CAP2: variants seen among roughly 807,000 people sequenced by gnomAD.
CAP2 encodes adenylyl cyclase-associated protein 2.
Under a neutral mutation model 57.7 loss-of-function variants are expected in CAP2, and 24 were observed. The observed-to-expected ratio is 0.42, with a 90% CI of 0.30 to 0.58. CAP2 has a LOEUF of 0.58. Ranked by LOEUF, CAP2 falls within the 20% of genes least tolerant of loss-of-function variation. The pLI is 0.22. For synonymous variants in CAP2, 194 were observed against 207.2 expected (o/e 0.94, Z 0.55); for missense variants, 501 against 590.3 (o/e 0.85, Z 1.57).
chr6:17,514,981 C>T (rs1019713378), intron 7 of CAP2, among the ~76,000 whole-genome samples: 5 of 151,506 alleles, frequency 3.3e-5, no homozygotes, highest in African/African-American at 9.7e-5. Flanking sequence ...GTGGATCACC[C>T]GCGGTCAGGA....
intron 3 of CAP2, among the ~76,000 whole-genome samples, chr6:17,441,904 G>A (rs1311653332): frequency 3.3e-5 from 5 of 151,754 alleles, no homozygotes; most frequent in African/African-American, 4.8e-5. Context: ...TTTCTGTTAT[G>A]TACGTAACCT....
intron 8 of CAP2, 94 bp downstream of exon 8, chr6:17,539,552 C>A: frequency 1.1e-6 from 1 of 900,776 alleles, no homozygotes; most frequent in Non-Finnish European, 1.7e-6. Context: ...GGATACATCA[C>A]TCCATCCCTG....
intron 4 of CAP2, among the ~76,000 whole-genome samples, chr6:17,485,303 A>G (rs1761394063): frequency 6.6e-6 from 1 of 152,236 alleles, no homozygotes; most frequent in Admixed American, 6.5e-5. Context: ...GTAATGTTAT[A>G]TGCCAAGTAC....
chr6:17,479,963 T>C (rs954210708), intron 4 of CAP2, among the ~76,000 whole-genome samples: 10 of 152,046 alleles, frequency 6.6e-5, no homozygotes, highest in African/African-American at 2.4e-4. Context: ...TAAAAATCTG[T>C]GAAATGAAGA....
intron 4 of CAP2, among the ~76,000 whole-genome samples, chr6:17,480,773 G>GGTTTTTTT (rs1209470148): frequency 7.3e-6 from 1 of 136,370 alleles, no homozygotes. Context: ...GGTTTTTTTG[G>GGTTTTTTT]TTTTTTTTTT....
intron 12 of CAP2, among the ~76,000 whole-genome samples, chr6:17,553,613 A>C (rs1187503681): frequency 6.6e-6 from 1 of 151,014 alleles, no homozygotes; most frequent in African/African-American, 2.4e-5. Flanking sequence ...AGCCTGGGCA[A>C]CACAGCAAGA....
chr6:17,394,188 C>T (rs1016042898), intron 1 of CAP2, among the ~76,000 whole-genome samples: 19 of 151,848 alleles, frequency 1.3e-4, no homozygotes, highest in African/African-American at 4.4e-4. Context: ...AGTCATTGCG[C>T]CGGCTCTGAC....
At chr6:17,509,176 A>T (rs1762075782) in intron 6 of CAP2, among the ~76,000 whole-genome samples, 1 of 152,186 alleles carries the variant, frequency 6.6e-6, no homozygotes, top group Non-Finnish European at 1.5e-5. Flanking sequence ...ATACATAAAT[A>T]AATACCTAGT....
chr6:17,490,779 G>A (rs1354898882), intron 4 of CAP2, among the ~76,000 whole-genome samples: 1 of 152,222 alleles, frequency 6.6e-6, no homozygotes, highest in Non-Finnish European at 1.5e-5. Flanking sequence ...TCCTGGAAGA[G>A]AGACTGGGGC....
intron 7 of CAP2, among the ~76,000 whole-genome samples, chr6:17,519,720 G>A (rs1489241948): frequency 6.6e-6 from 1 of 152,098 alleles, no homozygotes; most frequent in African/African-American, 2.4e-5. Flanking sequence ...GATAACTAAA[G>A]TCGAAAGACT....
At chr6:17,494,151 A>G (rs746441286) in intron 4 of CAP2, among the ~76,000 whole-genome samples, 2 of 152,162 alleles carry the variant, frequency 1.3e-5, no homozygotes, top group Admixed American at 6.5e-5. Flanking sequence ...TTACCCTCCA[A>G]TAATCTATTC....
At chr6:17,506,921 T>C (rs1361803686) in intron 4 of CAP2, among the ~76,000 whole-genome samples, 1 of 152,218 alleles carries the variant, frequency 6.6e-6, no homozygotes, top group South Asian at 2.1e-4. Context: ...CTGGGTTTTT[T>C]CCACATCTCA....
chr6:17,479,643 A>G (rs1431440486), intron 4 of CAP2, among the ~76,000 whole-genome samples: 2 of 131,020 alleles, frequency 1.5e-5, no homozygotes, highest in African/African-American at 6.0e-5. Flanking sequence ...ACAGAGTCTC[A>G]CTTTGTCGCC....
chr6:17,506,550 G>A (rs1178429260), intron 4 of CAP2, among the ~76,000 whole-genome samples: 1 of 151,910 alleles, frequency 6.6e-6, no homozygotes, highest in Non-Finnish European at 1.5e-5. Flanking sequence ...TGAGGCAGGA[G>A]AATTGCTTGA....
intron 4 of CAP2, among the ~76,000 whole-genome samples, chr6:17,492,439 T>C (rs949067639): frequency 6.6e-6 from 1 of 152,198 alleles, no homozygotes; most frequent in Non-Finnish European, 1.5e-5. Flanking sequence ...CAGGCTTTAT[T>C]CTGTGCTGCC....
Position 17,421,807 on chromosome 6 carries a change from A to G in CAP2, c.121+131A>G, listed in dbSNP as rs1357222428. On this transcript the variant is annotated intron_variant, in intron 2 of 12. Coordinates refer to ENST00000229922, the MANE Select transcript of CAP2 (RefSeq NM_006366.3). ...ACTCCTTCCATCGTATGTGACCATA[A>G]CATTAACCAGAGGCAAGCAATCCCT... 3 of 1,032,222 alleles carry G rather than the reference A, an allele frequency of 2.9e-6. No homozygotes were observed. The African/African-American group carries it at 4.8e-5, about 16-fold the overall frequency. 63.9% of individuals were successfully genotyped at this position (1,032,222 alleles called of 1,614,324 possible).
chr6:17,556,239 C>T (rs1253408713), intron 12 of CAP2, 120 bp from the exon 13 acceptor site: 9 of 696,636 alleles, frequency 1.3e-5, no homozygotes, highest in East Asian at 2.6e-5. Flanking sequence ...GCAATTCGAT[C>T]GAATTTCTTT....
At chr6:17,490,286 A>G (rs936324360) in intron 4 of CAP2, among the ~76,000 whole-genome samples, 5 of 152,132 alleles carry the variant, frequency 3.3e-5, no homozygotes, top group African/African-American at 1.2e-4. Flanking sequence ...TTGCTAAAAC[A>G]CTCATCTGTA....
intron 4 of CAP2, 68 bp downstream of exon 4, chr6:17,463,141 C>G: frequency 5.5e-6 from 6 of 1,090,706 alleles, no homozygotes; most frequent in Non-Finnish European, 8.4e-6. Flanking sequence ...AACAAGGAGG[C>G]AACAGAAGCA....
Sources: gnomAD v4.1 joint callset for allele counts (sites outside exome capture counted in the v4.1 genomes callset) on GRCh38, gnomAD v4.1.1 for gene constraint, MANE v1.5 for transcripts, NCBI Gene and HGNC (gene_info 2026-07-23, HGNC 2026-07-21) for gene names.